The following RTN3 variants were observed in gnomAD, a reference collection of about 807,000 sequenced individuals.
RTN3 encodes the protein reticulon 3, also known as reticulon-3.
Under a neutral mutation model 77.8 loss-of-function variants are expected in RTN3, and 49 were observed. The observed-to-expected ratio is 0.63, with a 90% confidence interval of 0.50 to 0.80. The LOEUF (loss-of-function observed/expected upper bound fraction) is 0.80. RTN3 is among the 30% of genes least tolerant of loss of function. The pLI is 0.00. For missense variants in RTN3, 1,236 were observed against 1,211.9 expected (o/e 1.02, Z -0.29); for synonymous variants, 464 against 446.9 (o/e 1.04, Z -0.48).
At position 63,756,163 on chromosome 11, in the gene RTN3, G is replaced by T; in HGVS notation, c.3046G>T (p.Val1016Phe). Residue 1016 changes from valine (V) to phenylalanine (F), a missense_variant, in exon 8 of 9, where the codon GTT (valine) becomes TTT (phenylalanine). Physicochemically the swap from Val to Phe is conservative, Grantham distance 50 (BLOSUM62 -1). Around this residue, in one of 3 missense-constraint regions of RTN3, gnomAD observed 141 missense variants for 154.9 expected, o/e 0.91. Transcript: ENST00000377819. ...CGCCCGAGATCAGACCAAGTCAATT[G>T]TTGAAAAGTAAGTACATTTAGAGAC... The part of the protein sequence containing the change: ...GIARDQTKSI[V>F]EKIQAKLPGI... 6.2e-7 allele frequency: 1 copy of T among 1,611,032 alleles called. No individual in the cohort carries two copies. The highest frequency in any genetic ancestry group is 8.5e-7 in the Non-Finnish European group (1 of 1,177,268).
chr11:63,728,292 T>C (rs574819943), intron 3 of RTN3, among the ~76,000 whole-genome samples: 1 of 152,344 alleles, frequency 6.6e-6, no homozygotes, highest in South Asian at 2.1e-4. Context: ...TGAACTCAGC[T>C]ACTCAGACCC....
chr11:63,741,404 G>T (rs1417356329), intron 3 of RTN3, among the ~76,000 whole-genome samples: 4 of 151,206 alleles, frequency 2.6e-5, no homozygotes, highest in Admixed American at 2.6e-4. Context: ...GTTTCACCAT[G>T]TTGGCCAGGC....
intron 1 of RTN3, among the ~76,000 whole-genome samples, chr11:63,690,388 C>G (rs1307281399): frequency 6.6e-6 from 1 of 152,142 alleles, no homozygotes; most frequent in Non-Finnish European, 1.5e-5. Flanking sequence ...ACTGAGCATA[C>G]ATGAAGGCTC....
chr11:63,731,277 A>T (rs1386740946), intron 3 of RTN3, among the ~76,000 whole-genome samples: 1 of 152,088 alleles, frequency 6.6e-6, no homozygotes. Context: ...ACAGGGTTTC[A>T]CCATGTTTGC....
chr11:63,695,391 C>T (rs1941887448), intron 1 of RTN3, among the ~76,000 whole-genome samples: 1 of 152,038 alleles, frequency 6.6e-6, no homozygotes, highest in Non-Finnish European at 1.5e-5. Flanking sequence ...ATCAGCCTGC[C>T]AGTTTATGTA....
intron 3 of RTN3, among the ~76,000 whole-genome samples, chr11:63,729,838 G>A (rs553516069): frequency 3.9e-5 from 6 of 152,004 alleles, no homozygotes; most frequent in South Asian, 2.1e-4. Flanking sequence ...CACCCAGGCT[G>A]TAGTGCAGTG....
intron 4 of RTN3, among the ~76,000 whole-genome samples, chr11:63,752,222 A>G (rs2014143971): frequency 1.3e-5 from 2 of 151,820 alleles, no homozygotes. Flanking sequence ...TCTTATTTAT[A>G]AATGGATTTA....
At chr11:63,733,509 A>C (rs2012847280) in intron 3 of RTN3, among the ~76,000 whole-genome samples, 2 of 151,704 alleles carry the variant, frequency 1.3e-5, no homozygotes, top group East Asian at 3.9e-4. Context: ...AGATTGGATA[A>C]TCAATATAAT....
At chr11:63,716,837 C>T (rs1317326559) in intron 2 of RTN3, among the ~76,000 whole-genome samples, 2 of 151,896 alleles carry the variant, frequency 1.3e-5, no homozygotes, top group Non-Finnish European at 2.9e-5. Context: ...GGCGTGGCGG[C>T]GGGTGCCTGT....
chr11:63,710,814 A>G (rs2011142837), intron 2 of RTN3, among the ~76,000 whole-genome samples: 1 of 152,212 alleles, frequency 6.6e-6, no homozygotes, highest in South Asian at 2.1e-4. Flanking sequence ...AATCAGAGAT[A>G]AAGCCCATGA....
intron 3 of RTN3, among the ~76,000 whole-genome samples, chr11:63,737,029 C>T (rs1180610430): frequency 1.3e-5 from 2 of 148,512 alleles, no homozygotes; most frequent in Non-Finnish European, 3.0e-5. Context: ...AGCCAGAGTG[C>T]AGTTTTGCAA....
chr11:63,747,260 G>A (rs988726526), intron 3 of RTN3, among the ~76,000 whole-genome samples: 3 of 152,204 alleles, frequency 2.0e-5, no homozygotes, highest in African/African-American at 7.2e-5. Context: ...GGCCCTCTAA[G>A]CCTTCTGTGT....
Position 63,720,177 on chromosome 11 carries a change from G to A in RTN3, c.1675G>A (p.Val559Ile), listed in dbSNP as rs150093726. Residue 559 changes from valine (V) to isoleucine (I), a missense_variant, in exon 3 of 9, where the codon GTC becomes ATC. Physicochemically the swap from Val to Ile is conservative, Grantham distance 29. Around this residue, in one of 3 missense-constraint regions of RTN3, gnomAD observed 1,056 missense variants for 990.4 expected, o/e 1.07. Transcript: ENST00000377819. ...EKTSKNFEEL[V>I]SDSELHQDQP... The stretch of plus-strand genomic sequence containing the variant: ...AACATCTAAAAACTTTGAAGAATTG[G>A]TCAGTGACTCTGAGCTGCATCAAGA... 5.6e-6 allele frequency: 9 copies of A among 1,613,940 alleles called. No individual in the cohort carries two copies. The highest frequency in any genetic ancestry group is 7.6e-6 in the Non-Finnish European group (9 of 1,180,012).
At chr11:63,697,723 G>A (rs1337884901) in intron 1 of RTN3, among the ~76,000 whole-genome samples, 9 of 151,852 alleles carry the variant, frequency 5.9e-5, no homozygotes, top group South Asian at 2.1e-4. Context: ...TGACCTGCCC[G>A]CCTTGGCCTC....
At chr11:63,714,529 T>C (rs2011286336) in intron 2 of RTN3, 1 of 152,284 alleles carries the variant, frequency 6.6e-6, no homozygotes, top group African/African-American at 2.4e-5. Flanking sequence ...TCTTCTCTTC[T>C]CTTTTCTCTT....
intron 3 of RTN3, among the ~76,000 whole-genome samples, 167 bp from the exon 4 acceptor site, chr11:63,749,824 C>T (rs954089485): frequency 1.3e-5 from 2 of 152,122 alleles, no homozygotes; most frequent in African/African-American, 4.8e-5. Context: ...GAGTTCCAGG[C>T]CAGCCTGGGC....
chr11:63,704,432 A>C (rs922546265), intron 1 of RTN3, among the ~76,000 whole-genome samples: 33 of 152,188 alleles, frequency 2.2e-4, no homozygotes, highest in Admixed American at 2.2e-3. Flanking sequence ...TCAAATGCTT[A>C]TATTAGTGAC....
At chr11:63,686,298 G>A (rs1941365484) in intron 1 of RTN3, among the ~76,000 whole-genome samples, 1 of 151,746 alleles carries the variant, frequency 6.6e-6, no homozygotes, top group Non-Finnish European at 1.5e-5. Flanking sequence ...GTGAAACCCT[G>A]TCTCTACTAA....
chr11:63,701,638 G>T (rs1158201485), intron 1 of RTN3, among the ~76,000 whole-genome samples: 1 of 152,054 alleles, frequency 6.6e-6, no homozygotes, highest in Non-Finnish European at 1.5e-5. Flanking sequence ...GAGCAAGAGA[G>T]CTACCCTTGA....
Sources: gnomAD v4.1 joint callset for allele counts (sites outside exome capture counted in the v4.1 genomes callset) on GRCh38, gnomAD v4.1.1 for gene constraint, gnomAD v4.1.1 regional missense constraint, MANE v1.5 for transcripts, NCBI Gene and HGNC (gene_info 2026-07-23, HGNC 2026-07-21) for gene names.